TFAP2A: variants seen among roughly 807,000 people sequenced by gnomAD.
TFAP2A encodes transcription factor AP-2-alpha.
In TFAP2A, 7 loss-of-function variants were observed where a neutral mutation model predicts 41.5. That is an observed-to-expected ratio of 0.17 (90% confidence interval 0.10 to 0.32). The LOEUF is 0.32. TFAP2A is among the 10% of genes least tolerant of loss of function. The pLI, the probability that TFAP2A is intolerant of heterozygous loss-of-function variation, is 1.00. For synonymous variants in TFAP2A, 247 were observed against 242.8 expected (o/e 1.02, Z -0.16); for missense variants, 416 against 563.3 (o/e 0.74, Z 2.65).
At chr6:10,415,501 A>C (rs961963826), upstream of TFAP2A, 2 of 225,070 alleles carry the variant, frequency 8.9e-6, no homozygotes, top group South Asian at 6.7e-5. Flanking sequence ...TCTTACCCCA[A>C]TTCCGCCACA....
rs1761798951 is a variant in TFAP2A, at chr6:10,397,302, T to C, written c.*1115A>G. ...TTCATTTATTGCTCAAATGATGCTTTTAAGGGAGGACAGTGGAATAAAATA... is the reference window on the plus strand; with the variant it reads ...TTCATTTATTGCTCAAATGATGCTTCTAAGGGAGGACAGTGGAATAAAATA... On this transcript the variant is annotated 3_prime_UTR_variant, in exon 7 of 7. Transcript: ENST00000379613. 1 of 152,176 alleles carries C rather than the reference T, an allele frequency of 6.6e-6. No homozygotes were observed. The highest frequency in any genetic ancestry group is 1.5e-5 in the Non-Finnish European group (1 of 68,036). 9.4% of individuals were successfully genotyped at this position (152,176 alleles called of 1,614,324 possible).
rs773073662 is a variant in TFAP2A, at chr6:10,398,729, G to A, written c.1032-24C>T. The A allele has an allele frequency of 2.4e-5, 38 of 1,613,242 alleles. No homozygotes were observed. The highest frequency in any genetic ancestry group is 3.1e-5 in the Non-Finnish European group (37 of 1,179,704). ...GTCTGCAGCACAAGTGGAGCAGAGA[G>A]AGAGACATAAGGCTCCACTATGGGC... is the stretch of plus-strand genomic sequence containing the variant. On this transcript the variant is annotated intron_variant, in intron 6 of 6. Transcript: ENST00000379613. This position sits in a 1 kb window ranked among gnomAD's most constrained non-coding sequence, Gnocchi z 5.3.
chr6:10,398,265 G>A lies in TFAP2A; in HGVS notation c.*152C>T, dbSNP rs1043516659. ...GAGAGGGCAGTCCCGGAGACTCGGGGGGACCCAAGGGCAGCGGCGGCGGCG... is the reference window on the plus strand; with the variant it reads ...GAGAGGGCAGTCCCGGAGACTCGGGAGGACCCAAGGGCAGCGGCGGCGGCG... On this transcript the variant is annotated 3_prime_UTR_variant, in exon 7 of 7. Coordinates refer to ENST00000379613, the MANE Select transcript of TFAP2A (RefSeq NM_001372066.1). This position sits in a 1 kb window ranked among gnomAD's most constrained non-coding sequence, Gnocchi z 5.3. 4 of 1,554,066 alleles carry A rather than the reference G, an allele frequency of 2.6e-6. No individual in the cohort carries two copies. The highest frequency in any genetic ancestry group is 1.3e-5 in the African/African-American group (1 of 74,326).
At chr6:10,407,020 AAG>A (rs1156575779) in intron 2 of TFAP2A, 176 bp from the exon 3 acceptor site, 2 of 650,630 alleles carry the variant, frequency 3.1e-6, no homozygotes, top group Non-Finnish European at 5.5e-6. Flanking sequence ...TTTGCAACTC[AAG>A]AGGTTTCACT....
In TFAP2A at chr6:10,409,946, T is replaced by G. The variant is rs756019412; in HGVS notation, c.441A>C (p.Gly147=). The part of the protein sequence containing the change: ...HGPHALSSGL[G]DLSIHSLPHA... ...GAGGTAAGGAGTGGATCGAGAGGTC[T>G]CCGAGTCCTGAGCTGAGCGCGTGTG... Residue 147 remains glycine, a synonymous_variant, in exon 2 of 7, where the codon GGA becomes GGC. Coordinates refer to ENST00000379613, the MANE Select transcript of TFAP2A (RefSeq NM_001372066.1). 17 of 1,562,024 alleles carry G rather than the reference T, an allele frequency of 1.1e-5. No individual in the cohort carries two copies. The Admixed American group carries it at 3.3e-4, about 30-fold the overall frequency.
At chr6:10,401,168 A>C (rs1399556258) in intron 5 of TFAP2A, among the ~76,000 whole-genome samples, 1 of 152,224 alleles carries the variant, frequency 6.6e-6, no homozygotes, top group African/African-American at 2.4e-5. Flanking sequence ...GGAAGAACGC[A>C]TGCGCCAATT....
At chr6:10,417,593 A>G (rs550015567), upstream of TFAP2A, among the ~76,000 whole-genome samples, 6 of 152,322 alleles carry the variant, frequency 3.9e-5, no homozygotes, top group East Asian at 1.2e-3. Flanking sequence ...CGTGGGGGGC[A>G]TAAAAAGGGC....
Position 10,398,815 on chromosome 6 carries a change from G to C in TFAP2A, c.1032-110C>G. 1 of 1,330,624 alleles carries C rather than the reference G, an allele frequency of 7.5e-7. No homozygotes were observed. Among genetic ancestry groups the C allele is most frequent in the Non-Finnish European group, 1.0e-6 (1 of 970,164 alleles). The allele number at this position is 1,330,624 out of a possible 1,614,324, so 82.4% of individuals were successfully genotyped here. ...AGCTACCTCTGCCGGGATCCAGCCGGTACCTGACATGACCCAAGACCCCAG... is the reference window on the plus strand; with the variant it reads ...AGCTACCTCTGCCGGGATCCAGCCGCTACCTGACATGACCCAAGACCCCAG... On this transcript the variant is annotated intron_variant, in intron 6 of 6. Coordinates refer to ENST00000379613, the MANE Select transcript of TFAP2A (RefSeq NM_001372066.1). This position sits in a 1 kb window ranked among gnomAD's most constrained non-coding sequence, Gnocchi z 5.3.
chr6:10,403,369 G>A (rs1035375799), intron 4 of TFAP2A, among the ~76,000 whole-genome samples: 5 of 152,196 alleles, frequency 3.3e-5, no homozygotes, highest in Admixed American at 1.3e-4. Context: ...GATGGGGGAA[G>A]GGAAGGAAAA....
At chr6:10,403,336 G>A (rs940141563) in intron 4 of TFAP2A, among the ~76,000 whole-genome samples, 10 of 152,108 alleles carry the variant, frequency 6.6e-5, no homozygotes, top group African/African-American at 2.4e-4. Context: ...TACTCCCCTA[G>A]GTAAACAGTC....
chr6:10,414,919 AT>A (rs778709744), intron 1 of TFAP2A, 21 bp downstream of exon 1: 2 of 1,613,728 alleles, frequency 1.2e-6, no homozygotes. Context: ...CGCACGGATG[AT>A]CGAGCCGGCG....
At chr6:10,402,793 A>G (rs1288973199) in intron 4 of TFAP2A, among the ~76,000 whole-genome samples, 183 bp from the exon 5 acceptor site, 1 of 152,248 alleles carries the variant, frequency 6.6e-6, no homozygotes, top group Admixed American at 6.5e-5. Context: ...AACGCCTGTT[A>G]AACTGTAAAG....
upstream of TFAP2A, chr6:10,419,579 T>G: frequency 8.0e-7 from 1 of 1,248,862 alleles, no homozygotes; most frequent in Non-Finnish European, 1.2e-6. Context: ...CACCTGGTCA[T>G]AAAGAGCTGG....
At chr6:10,406,893 GGAAAT>G (rs1391694127) in intron 2 of TFAP2A, 49 bp from the exon 3 acceptor site, 1 of 1,450,340 alleles carries the variant, frequency 6.9e-7, no homozygotes, top group African/African-American at 1.4e-5. Context: ...CAAAACAAAA[GGAAAT>G]GAATATTCCC....
In TFAP2A at chr6:10,398,772, G is replaced by A. The variant is rs140604777; in HGVS notation, c.1032-67C>T. 7.6e-4 allele frequency: 1,196 copies of A among 1,573,056 alleles called. No homozygotes were observed. The highest frequency in any genetic ancestry group is 9.8e-4 in the Non-Finnish European group (1,136 of 1,153,974). ...CTATGGGCAGCACTAGCAGCAAAGA[G>A]AAAACCTCCCTCCCTGCAGCTACCT... On this transcript the variant is annotated intron_variant, in intron 6 of 6. Coordinates refer to ENST00000379613, the MANE Select transcript of TFAP2A (RefSeq NM_001372066.1). This position sits in a 1 kb window ranked among gnomAD's most constrained non-coding sequence, Gnocchi z 5.3.
rs771955798 is a variant in TFAP2A at position 10,404,714 on chromosome 6, GTTGGAC to G, written c.558_563del (p.Lys186_Ser187del). On this transcript the variant is annotated inframe_deletion, in exon 4 of 7. Coordinates refer to ENST00000379613, the MANE Select transcript of TFAP2A (RefSeq NM_001372066.1). Reference sequence around the variant, plus strand: ...TAGGGATGGCGGAGACGGCATTGCTGTTGGACTTGGACAGGGACACGGGGCCTGCGG... The same window carrying G: ...TAGGGATGGCGGAGACGGCATTGCTGTTGGACAGGGACACGGGGCCTGCGG... 1.2e-6 allele frequency: 2 copies of G among 1,614,210 alleles called. No individual in the cohort carries two copies. Among genetic ancestry groups the G allele is most frequent in the African/African-American group, 1.3e-5 (1 of 75,070 alleles).
chr6:10,417,046 G>A (rs1465252667), upstream of TFAP2A: 1 of 152,592 alleles, frequency 6.6e-6, no homozygotes, highest in East Asian at 1.9e-4. Flanking sequence ...CAGTGCAGTG[G>A]TTTGAAGTCA....
upstream of TFAP2A, chr6:10,416,527 A>G (rs1381844714): frequency 6.6e-6 from 1 of 151,976 alleles, no homozygotes; most frequent in Non-Finnish European, 1.5e-5. Flanking sequence ...AAAGAAAGTT[A>G]CCTCTGTCTT....
intron 4 of TFAP2A, among the ~76,000 whole-genome samples, chr6:10,404,009 T>C (rs1374721584): frequency 6.6e-6 from 1 of 152,178 alleles, no homozygotes; most frequent in East Asian, 1.9e-4. Flanking sequence ...TTCCTTTAGT[T>C]AAAAGCCATT....
Sources: gnomAD v4.1 joint callset for allele counts (sites outside exome capture counted in the v4.1 genomes callset) on GRCh38, gnomAD v4.1.1 for gene constraint, Gnocchi (gnomAD v3.1) non-coding constraint, MANE v1.5 for transcripts, NCBI Gene and HGNC (gene_info 2026-07-23, HGNC 2026-07-21) for gene names.